The following ASTN2 variants were observed in gnomAD, a reference collection of about 807,000 sequenced individuals.
ASTN2 encodes astrotactin 2.
A neutral mutation model predicts 139.8 loss-of-function variants in ASTN2; 54 were observed. That is an observed-to-expected ratio of 0.39 (90% CI 0.31 to 0.48). The LOEUF (loss-of-function observed/expected upper bound fraction) is 0.48, where lower values mean the gene tolerates loss of function less well. ASTN2 is among the 20% of genes least tolerant of loss of function. The pLI, the probability that ASTN2 is intolerant of heterozygous loss-of-function variation, is 0.95. For synonymous variants in ASTN2, 756 were observed against 719.5 expected (o/e 1.05, Z -0.81); for missense variants, 1,565 against 1,725.1 (o/e 0.91, Z 1.64).
intron 4 of ASTN2, among the ~76,000 whole-genome samples, chr9:117,125,812 G>T (rs545475292): frequency 6.6e-6 from 1 of 150,914 alleles, no homozygotes; most frequent in South Asian, 2.1e-4. Context: ...TGTCCCAAAA[G>T]GATCATTTCA....
At chr9:116,456,607 C>T (rs1279527940) in intron 20 of ASTN2, among the ~76,000 whole-genome samples, 1 of 152,162 alleles carries the variant, frequency 6.6e-6, no homozygotes, top group African/African-American at 2.4e-5. Flanking sequence ...GAGCAAGTCA[C>T]ATCTTACAGG....
chr9:117,408,525 G>T (rs748897113), intron 1 of ASTN2, among the ~76,000 whole-genome samples: 1 of 152,158 alleles, frequency 6.6e-6, no homozygotes. Context: ...GGCAAACAAG[G>T]CTTAGTGTAT....
intron 1 of ASTN2, among the ~76,000 whole-genome samples, chr9:117,383,995 A>G (rs995828053): frequency 6.6e-6 from 1 of 152,196 alleles, no homozygotes; most frequent in African/African-American, 2.4e-5. Flanking sequence ...ATCACCATTT[A>G]CTTCTCCACT....
chr9:117,323,772 CT>C (rs1212441106), intron 1 of ASTN2, among the ~76,000 whole-genome samples: 1 of 152,094 alleles, frequency 6.6e-6, no homozygotes, highest in Non-Finnish European at 1.5e-5. Flanking sequence ...TCTTTTCTTT[CT>C]TTATATATAT....
intron 17 of ASTN2, among the ~76,000 whole-genome samples, chr9:116,642,132 C>CCAAAAAA (rs1554724602): frequency 0.012 from 571 of 48,858 alleles, 42 homozygotes; most frequent in Admixed American, 0.016. Context: ...TCCCAACCCA[C>CCAAAAAA]AAAAAAAAAA....
intron 11 of ASTN2, among the ~76,000 whole-genome samples, chr9:116,857,435 T>C (rs1486135316): frequency 6.6e-6 from 1 of 152,204 alleles, no homozygotes; most frequent in Non-Finnish European, 1.5e-5. Flanking sequence ...CTGTCTTGTC[T>C]TCTGAAGGGG....
At chr9:116,482,324 TCAAAA>T (rs1014352817) in intron 20 of ASTN2, among the ~76,000 whole-genome samples, 3 of 152,174 alleles carry the variant, frequency 2.0e-5, no homozygotes, top group South Asian at 2.1e-4. Context: ...AGACTCCGTC[TCAAAA>T]CAAAACAAAA....
intron 5 of ASTN2, among the ~76,000 whole-genome samples, chr9:117,078,542 A>G (rs548811931): frequency 6.6e-6 from 1 of 152,310 alleles, no homozygotes; most frequent in East Asian, 1.9e-4. Context: ...ACATTACAGA[A>G]TTGTAGTTTA....
At chr9:116,638,405 A>T (rs116324691) in intron 17 of ASTN2, among the ~76,000 whole-genome samples, 6,423 of 152,250 alleles carry the variant, frequency 0.042, 476 homozygotes, top group African/African-American at 0.15. Context: ...GAGAGAGGCA[A>T]CAACTAGGGC....
intron 4 of ASTN2, among the ~76,000 whole-genome samples, chr9:117,120,018 G>GTGTGTGTGTGTGTATATATA (rs1306397698): frequency 1.1e-4 from 5 of 45,996 alleles, no homozygotes; most frequent in African/African-American, 4.1e-4. Flanking sequence ...GTGTGTGTGT[G>GTGTGTGTGTGTGTATATATA]TATATATATA....
At chr9:116,791,015 G>T (rs377187109) in intron 13 of ASTN2, among the ~76,000 whole-genome samples, 4 of 126,902 alleles carry the variant, frequency 3.2e-5, no homozygotes, top group Non-Finnish European at 6.6e-5. Context: ...AAGAAAGAAA[G>T]AAAGAAAGAA....
chr9:116,611,610 G>A (rs554328954), intron 19 of ASTN2: 38 of 151,944 alleles, frequency 2.5e-4, no homozygotes, highest in African/African-American at 8.0e-4. Flanking sequence ...GAATAGTAAC[G>A]GAATGTCATA....
chr9:116,472,928 G>GAAAA (rs71377245), intron 20 of ASTN2, among the ~76,000 whole-genome samples: 1 of 130,832 alleles, frequency 7.6e-6, no homozygotes. Flanking sequence ...CTCTGTCTTG[G>GAAAA]AAAAAAAAAA....
At chr9:117,249,434 G>A (rs1299025847) in intron 2 of ASTN2, among the ~76,000 whole-genome samples, 1 of 152,120 alleles carries the variant, frequency 6.6e-6, no homozygotes, top group African/African-American at 2.4e-5. Context: ...CACAGATTGT[G>A]CAAACTGGAA....
chr9:117,217,395 A>C (rs1026575623), intron 2 of ASTN2, among the ~76,000 whole-genome samples: 1 of 151,908 alleles, frequency 6.6e-6, no homozygotes, highest in Non-Finnish European at 1.5e-5. Context: ...TGGTTGTGGG[A>C]CTCTGTGGTC....
At chr9:116,746,066 C>G (rs1404240263) in intron 13 of ASTN2, among the ~76,000 whole-genome samples, 2 of 151,332 alleles carry the variant, frequency 1.3e-5, no homozygotes, top group African/African-American at 2.4e-5. Flanking sequence ...TGAAAGCCAG[C>G]CAAGGCAAAC....
At chr9:116,566,567 C>T (rs921097617) in intron 19 of ASTN2, among the ~76,000 whole-genome samples, 3 of 152,312 alleles carry the variant, frequency 2.0e-5, no homozygotes, top group African/African-American at 7.2e-5. Context: ...TATGTAGTGA[C>T]CTGGATCAAC....
At chr9:117,302,779 A>G (rs1834908214) in intron 1 of ASTN2, among the ~76,000 whole-genome samples, 1 of 152,220 alleles carries the variant, frequency 6.6e-6, no homozygotes, top group African/African-American at 2.4e-5. Flanking sequence ...AAGAATAAAC[A>G]TACTTGACAT....
intron 2 of ASTN2, among the ~76,000 whole-genome samples, chr9:117,262,411 T>TA (rs1461532234): frequency 1.3e-5 from 1 of 77,912 alleles, no homozygotes; most frequent in Admixed American, 1.8e-4. Context: ...ATTTATTTAT[T>TA]TATTTATTTT....
Sources: gnomAD v4.1 joint callset for allele counts (sites outside exome capture counted in the v4.1 genomes callset) on GRCh38, gnomAD v4.1.1 for gene constraint, MANE v1.5 for transcripts, NCBI Gene and HGNC (gene_info 2026-07-23, HGNC 2026-07-21) for gene names.